The following PILRA variants were observed in gnomAD, a reference collection of about 807,000 sequenced individuals.
The protein encoded by PILRA is paired immunoglobulin-like type 2 receptor alpha.
A neutral mutation model predicts 33.1 loss-of-function variants in PILRA; 37 were observed. The ratio of observed to expected loss-of-function variants is 1.12; its 90% CI spans 0.86 to 1.47. The LOEUF is 1.47. Ranked by LOEUF, PILRA falls within the 40% of genes most tolerant of loss-of-function variation. The pLI is 0.00. For synonymous variants in PILRA, 146 were observed against 149.9 expected (o/e 0.97, Z 0.19); for missense variants, 312 against 376.2 (o/e 0.83, Z 1.41).
At chr7:100,381,669 C>A (rs932092046) in intron 2 of PILRA, among the ~76,000 whole-genome samples, 2 of 152,232 alleles carry the variant, frequency 1.3e-5, no homozygotes, top group African/African-American at 4.8e-5. Context: ...ACAGTGGGAG[C>A]CCCTTCCTGG....
chr7:100,398,356 T>G (rs1791543874), intron 4 of PILRA, among the ~76,000 whole-genome samples: 1 of 152,202 alleles, frequency 6.6e-6, no homozygotes, highest in Non-Finnish European at 1.5e-5. Context: ...TCTCCCCGCC[T>G]GTGTTTGCTC....
intron 2 of PILRA, among the ~76,000 whole-genome samples, chr7:100,378,996 G>C (rs575068034): frequency 6.6e-6 from 1 of 151,348 alleles, no homozygotes. Context: ...CGGAGGCTGC[G>C]GCAGGAGAAT....
At chr7:100,389,649 GAAGGAAAGGAAAGGA>G (rs368991801) in intron 2 of PILRA, among the ~76,000 whole-genome samples, 1 of 151,106 alleles carries the variant, frequency 6.6e-6, no homozygotes, top group Admixed American at 6.6e-5. Context: ...AGGGAGAGAG[GAAGGAAAGGAAAGGA>G]AAGGAAAGGA....
chr7:100,377,967 C>A (rs1790993294), intron 2 of PILRA, among the ~76,000 whole-genome samples: 1 of 152,174 alleles, frequency 6.6e-6, no homozygotes, highest in Non-Finnish European at 1.5e-5. Context: ...TCTTTTCTTA[C>A]ATCAGCACAC....
chr7:100,398,926 A>G (rs899088500), intron 4 of PILRA, among the ~76,000 whole-genome samples: 1 of 149,170 alleles, frequency 6.7e-6, no homozygotes, highest in African/African-American at 2.5e-5. Flanking sequence ...ACGTGTCATA[A>G]CTCTTTCTTC....
chr7:100,387,685 G>A (rs1390587462), intron 2 of PILRA, among the ~76,000 whole-genome samples: 1 of 152,124 alleles, frequency 6.6e-6, no homozygotes, highest in Non-Finnish European at 1.5e-5. Context: ...GGGCAACAGA[G>A]CAAGACGGTG....
At chr7:100,381,860 C>G (rs1791104393) in intron 2 of PILRA, among the ~76,000 whole-genome samples, 2 of 152,330 alleles carry the variant, frequency 1.3e-5, no homozygotes, top group Admixed American at 6.5e-5. Context: ...GACTTAGCAC[C>G]TGGGCCAGCA....
At position 100,389,868 on chromosome 7, in the gene PILRA, C is replaced by T; in HGVS notation, c.455-20C>T. 1 of 1,606,962 alleles carries T rather than the reference C, an allele frequency of 6.2e-7. No homozygotes were observed. Among genetic ancestry groups the T allele is most frequent in the Non-Finnish European group, 8.5e-7 (1 of 1,173,938 alleles). On this transcript the variant is annotated intron_variant, in intron 2 of 6. Transcript: ENST00000198536. Reference sequence around the variant, plus strand: ...CTGTGCCCCCAGGGGAGGGTCTGCTCATTCCTCATCTCTCCCCAGCTGTCA... The same window carrying T: ...CTGTGCCCCCAGGGGAGGGTCTGCTTATTCCTCATCTCTCCCCAGCTGTCA...
intron 2 of PILRA, among the ~76,000 whole-genome samples, chr7:100,377,838 C>T (rs967036031): frequency 2.6e-5 from 4 of 152,110 alleles, no homozygotes; most frequent in African/African-American, 9.7e-5. Context: ...AATCAGTTGT[C>T]CCAACCCCAT....
intron 3 of PILRA, among the ~76,000 whole-genome samples, chr7:100,395,629 G>A (rs540891161): frequency 3.3e-5 from 5 of 152,080 alleles, no homozygotes; most frequent in African/African-American, 1.2e-4. Flanking sequence ...AGATGAAAAT[G>A]GCCAACTAAT....
intron 2 of PILRA, among the ~76,000 whole-genome samples, chr7:100,389,131 C>T (rs1430857925): frequency 5.3e-5 from 8 of 152,128 alleles, no homozygotes; most frequent in South Asian, 4.1e-4. Flanking sequence ...AAAAGCACTC[C>T]GTTAAGACGT....
chr7:100,396,683 C>T (rs1409792332), intron 3 of PILRA, among the ~76,000 whole-genome samples: 1 of 151,952 alleles, frequency 6.6e-6, no homozygotes, highest in East Asian at 1.9e-4. Flanking sequence ...AATTCTGACA[C>T]ATACTACAGT....
chr7:100,397,882 A>G lies in PILRA; in HGVS notation c.677A>G (p.Gln226Arg), dbSNP rs760850377. Residue 226 changes from glutamine to arginine, a missense_variant, in exon 4 of 7, where the codon CAG becomes CGG. Transcript: ENST00000198536. ...CLLRWRRRKG[Q>R]QRTKATTPAR... ...CTCACTGTTGGTCCCCCTACAGGTC[A>G]GCAGCGGACTAAAGCCACAACCCCA... 3 of 1,613,810 alleles carry G rather than the reference A, an allele frequency of 1.9e-6. No homozygotes were observed. The highest frequency in any genetic ancestry group is 1.3e-5 in the African/African-American group (1 of 74,914).
At chr7:100,387,900 C>T (rs756043892) in intron 2 of PILRA, among the ~76,000 whole-genome samples, 38 of 152,146 alleles carry the variant, frequency 2.5e-4, no homozygotes, top group Non-Finnish European at 5.0e-4. Flanking sequence ...TTTATTCCTA[C>T]GTAACTTTTC....
intron 2 of PILRA, among the ~76,000 whole-genome samples, chr7:100,380,066 C>T (rs1791053183): frequency 6.6e-6 from 1 of 152,142 alleles, no homozygotes; most frequent in Non-Finnish European, 1.5e-5. Context: ...CTCCATTCCC[C>T]ATTCCCCTAC....
intron 2 of PILRA, among the ~76,000 whole-genome samples, chr7:100,384,429 A>AT (rs1157446711): frequency 0.013 from 1,754 of 134,132 alleles, 38 homozygotes; most frequent in African/African-American, 0.039. Flanking sequence ...AAAAAAAAAA[A>AT]TTTTTTTTTT....
chr7:100,394,593 C>CA (rs60131231), intron 3 of PILRA, among the ~76,000 whole-genome samples: 3,563 of 44,890 alleles, frequency 0.079, 164 homozygotes, highest in African/African-American at 0.13. Context: ...GATTCTATCT[C>CA]AAAAAAAAAA....
At chr7:100,389,400 CATATTTT>C (rs1791325571) in intron 2 of PILRA, among the ~76,000 whole-genome samples, 1 of 152,158 alleles carries the variant, frequency 6.6e-6, no homozygotes, top group Non-Finnish European at 1.5e-5. Flanking sequence ...GTTAAAATGA[CATATTTT>C]ATGTTACCTG....
At chr7:100,382,329 T>C (rs1167193902) in intron 2 of PILRA, among the ~76,000 whole-genome samples, 1 of 152,076 alleles carries the variant, frequency 6.6e-6, no homozygotes, top group Non-Finnish European at 1.5e-5. Context: ...AGGGTTTGCA[T>C]ATGCACCAAT....
Sources: gnomAD v4.1 joint callset for allele counts (sites outside exome capture counted in the v4.1 genomes callset) on GRCh38, gnomAD v4.1.1 for gene constraint, MANE v1.5 for transcripts, NCBI Gene and HGNC (gene_info 2026-07-23, HGNC 2026-07-21) for gene names.